Variants in EEA1 observed in about 807,000 individuals in gnomAD.
The protein encoded by EEA1 is early endosome antigen 1, 162kD.
A neutral mutation model predicts 209.2 loss-of-function variants in EEA1; 111 were observed. The ratio of observed to expected loss-of-function variants is 0.53; its 90% CI spans 0.45 to 0.62. EEA1 has a LOEUF of 0.62. Among genes scored for constraint, EEA1 ranks in the 20% least tolerant of loss-of-function variants. The probability of loss-of-function intolerance (pLI) is 0.00; values close to 1 mark genes in which losing one functional copy is unlikely to be tolerated. For missense variants in EEA1, 1,343 were observed against 1,530.8 expected (o/e 0.88, Z 2.05); for synonymous variants, 536 against 540.6 (o/e 0.99, Z 0.12).
At chr12:92,909,102 G>A (rs1017047225) in intron 1 of EEA1, among the ~76,000 whole-genome samples, 8 of 152,104 alleles carry the variant, frequency 5.3e-5, no homozygotes, top group East Asian at 1.9e-4. Flanking sequence ...GAGCCACCGC[G>A]CCCAGCCCTG....
intron 1 of EEA1, among the ~76,000 whole-genome samples, chr12:92,910,834 C>T (rs1880556828): frequency 1.3e-5 from 2 of 152,146 alleles, no homozygotes; most frequent in African/African-American, 4.8e-5. Context: ...CCTTAATAGA[C>T]AGGCATCTTA....
At chr12:92,894,989 A>G (rs1287351633) in intron 1 of EEA1, among the ~76,000 whole-genome samples, 1 of 152,176 alleles carries the variant, frequency 6.6e-6, no homozygotes, top group Non-Finnish European at 1.5e-5. Flanking sequence ...GCAGCTGATG[A>G]CTTTTAAGTT....
At chr12:92,865,225 A>T (rs568425170) in intron 2 of EEA1, among the ~76,000 whole-genome samples, 1 of 152,302 alleles carries the variant, frequency 6.6e-6, no homozygotes, top group East Asian at 1.9e-4. Flanking sequence ...TTTTTAGGTC[A>T]GATAAATTAA....
intron 1 of EEA1, among the ~76,000 whole-genome samples, chr12:92,903,801 A>C (rs1434026394): frequency 6.6e-6 from 1 of 152,188 alleles, no homozygotes; most frequent in Non-Finnish European, 1.5e-5. Context: ...AGGTAATCAT[A>C]TAAGACCAAT....
Position 92,832,794 on chromosome 12 carries a change from T to C in EEA1, c.972A>G (p.Lys324=), listed in dbSNP as rs762134196. The change falls in exon 11 of 29, where the codon AAA becomes AAG. Residue 324 remains lysine (K), a synonymous_variant. Coordinates refer to ENST00000322349, the MANE Select transcript of EEA1 (RefSeq NM_003566.4). ...KEQDYTKLEE[K]HNEESVSKKN... Reference sequence around the variant, plus strand: ...TTTTACTCACAGATTCTTCATTATGTTTCTCCTCTAACTTAGTATAGTCTT... The same window carrying C: ...TTTTACTCACAGATTCTTCATTATGCTTCTCCTCTAACTTAGTATAGTCTT... The C allele has an allele frequency of 2.5e-6, 4 of 1,613,850 alleles. No homozygotes were observed. In the South Asian group the frequency reaches 4.4e-5, roughly 18 times the overall value.
intron 22 of EEA1, among the ~76,000 whole-genome samples, chr12:92,782,949 G>A (rs1873969856): frequency 6.6e-6 from 1 of 152,234 alleles, no homozygotes; most frequent in South Asian, 2.1e-4. Flanking sequence ...CCTGGAGGGT[G>A]GCATGCCCGG....
In EEA1 at chr12:92,830,952, C is replaced by A. The variant is rs1051943889; in HGVS notation, c.1254+1560G>T. On this transcript the variant is annotated intron_variant, in intron 11 of 28. Transcript: ENST00000322349. Reference sequence around the variant, plus strand: ...TAAGAGTGAGACAAGGAGGACAGGGCCAGCAGAAGCAGGGAAGGAGAAGAC... The same window carrying A: ...TAAGAGTGAGACAAGGAGGACAGGGACAGCAGAAGCAGGGAAGGAGAAGAC... Among the ~76,000 whole-genome samples, 3 of 152,202 alleles carry A rather than the reference C, an allele frequency of 2.0e-5. No homozygotes were observed. The South Asian group carries it at 6.2e-4, about 32-fold the overall frequency.
chr12:92,910,603 C>T (rs577708553), intron 1 of EEA1, among the ~76,000 whole-genome samples: 2 of 151,928 alleles, frequency 1.3e-5, no homozygotes, highest in Admixed American at 6.6e-5. Flanking sequence ...ACACCAAAGG[C>T]GCAATCCATG....
chr12:92,898,139 C>T (rs978639918), intron 1 of EEA1, among the ~76,000 whole-genome samples: 4 of 152,056 alleles, frequency 2.6e-5, no homozygotes, highest in Non-Finnish European at 4.4e-5. Context: ...AAAATAACAA[C>T]CAGTAATTAA....
intron 1 of EEA1, among the ~76,000 whole-genome samples, chr12:92,906,068 G>A (rs1015206769): frequency 2.0e-5 from 3 of 150,758 alleles, no homozygotes; most frequent in Admixed American, 6.6e-5. Flanking sequence ...CACCACACCT[G>A]GCTAATTTTC....
Position 92,776,116 on chromosome 12 carries a change from A to T in EEA1, c.4131T>A (p.Cys1377Ter). 6.2e-7 allele frequency: 1 copy of T among 1,609,740 alleles called. No homozygotes were observed. Among genetic ancestry groups the T allele is most frequent in the Non-Finnish European group, 8.5e-7 (1 of 1,177,454 alleles). ...VTVRRHHCRQ[C>*]GNIFCAECSA... Reference sequence around the variant, plus strand: ...AACATTCAGCACAGAAGATATTTCCACACTGTCGGCAGTGATGCTGTAAAT... The same window carrying T: ...AACATTCAGCACAGAAGATATTTCCTCACTGTCGGCAGTGATGCTGTAAAT... The change falls in exon 29 of 29, where the codon TGT becomes TGA. Residue 1377 changes from cysteine (C) to a stop codon, truncating the protein, a stop_gained. Coordinates refer to ENST00000322349, the MANE Select transcript of EEA1 (RefSeq NM_003566.4). LOFTEE classifies it high-confidence loss of function.
intron 2 of EEA1, among the ~76,000 whole-genome samples, chr12:92,875,740 C>A (rs758219717): frequency 1.6e-4 from 25 of 152,174 alleles, no homozygotes; most frequent in Non-Finnish European, 2.5e-4. Context: ...GTATAATAGT[C>A]TATAAGGCCC....
chr12:92,785,944 C>T (rs1874113953), intron 22 of EEA1, among the ~76,000 whole-genome samples: 1 of 152,112 alleles, frequency 6.6e-6, no homozygotes, highest in South Asian at 2.1e-4. Flanking sequence ...AAATCGCTGG[C>T]TTAATGAAAG....
chr12:92,795,224 C>A (rs1294502591), intron 21 of EEA1, among the ~76,000 whole-genome samples: 1 of 152,174 alleles, frequency 6.6e-6, no homozygotes, highest in Non-Finnish European at 1.5e-5. Flanking sequence ...TACCTTCTCC[C>A]TCAGAACCAA....
chr12:92,874,831 T>C (rs1371186779), intron 2 of EEA1, among the ~76,000 whole-genome samples: 4 of 152,230 alleles, frequency 2.6e-5, no homozygotes, highest in Non-Finnish European at 4.4e-5. Flanking sequence ...TATCACAAAA[T>C]AGCTAAAAGA....
In EEA1 at chr12:92,811,348, A is replaced by G; in HGVS notation, c.2130T>C (p.His710=). The change falls in exon 17 of 29, where the codon CAT becomes CAC. Residue 710 remains histidine, a synonymous_variant. Transcript: ENST00000322349. ...GGTATTTCTCTTTATATTCTTTAAG[A>G]TGACTTTCCAGCTGACTGCAATGTT... ...KQEHCSQLES[H]LKEYKEKYLS... 6.2e-7 allele frequency: 1 copy of G among 1,607,624 alleles called. No individual in the cohort carries two copies. The highest frequency in any genetic ancestry group is 2.3e-5 in the East Asian group (1 of 44,436).
intron 18 of EEA1, among the ~76,000 whole-genome samples, chr12:92,803,229 A>T (rs1179525660): frequency 6.6e-6 from 1 of 152,064 alleles, no homozygotes; most frequent in Admixed American, 6.5e-5. Flanking sequence ...AAAGAAAATT[A>T]AAAAAATATT....
In EEA1 at chr12:92,775,330, C is replaced by CA. The variant is rs1181700027; in HGVS notation, c.*680dup. 2.6e-5 allele frequency: 4 copies of CA among 151,630 alleles called. No homozygotes were observed. The highest frequency in any genetic ancestry group is 9.7e-5 in the African/African-American group (4 of 41,382). 9.4% of individuals were successfully genotyped at this position (151,630 alleles called of 1,614,324 possible). A position where few individuals can be genotyped will look rare whatever the true frequency, so the allele number is the denominator to read the frequency against. ...ACAACCCCAGATAACTATAAGTAAA[C>CA]AAATTGATTTTACAGAGGTTTTTAT... On this transcript the variant is annotated 3_prime_UTR_variant, in exon 29 of 29. Transcript: ENST00000322349.
chr12:92,790,067 CAGAA>C (rs1385256741), intron 21 of EEA1, among the ~76,000 whole-genome samples: 1 of 152,218 alleles, frequency 6.6e-6, no homozygotes, highest in African/African-American at 2.4e-5. Context: ...AACTAACAAA[CAGAA>C]AGGAATAACA....
Sources: gnomAD v4.1 joint callset for allele counts (sites outside exome capture counted in the v4.1 genomes callset) on GRCh38, gnomAD v4.1.1 for gene constraint, MANE v1.5 for transcripts, NCBI Gene and HGNC (gene_info 2026-07-23, HGNC 2026-07-21) for gene names.